The following ROBO2 variants were observed in gnomAD, a reference collection of about 807,000 sequenced individuals.
ROBO2 encodes roundabout guidance receptor 2, also known as roundabout homolog 2.
Under a neutral mutation model 160.8 loss-of-function variants are expected in ROBO2, and 53 were observed. The observed-to-expected ratio is 0.33, with a 90% confidence interval of 0.26 to 0.41. ROBO2 has a LOEUF of 0.41. Ranked by LOEUF, ROBO2 falls within the 10% of genes least tolerant of loss-of-function variation. The pLI is 1.00. For missense variants in ROBO2, 1,577 were observed against 1,722.4 expected, an observed-to-expected ratio of 0.92 and a Z score of 1.49; for synonymous variants, 664 against 611.7, an observed-to-expected ratio of 1.09 and a Z score of -1.26.
intron 2 of ROBO2, among the ~76,000 whole-genome samples, chr3:77,107,555 G>T (rs956627758): frequency 9.2e-5 from 14 of 152,204 alleles, no homozygotes; most frequent in African/African-American, 3.4e-4. Context: ...GCATCTATTT[G>T]CATATCATTT....
chr3:77,394,806 ACT>A (rs1164451450), intron 2 of ROBO2, among the ~76,000 whole-genome samples: 2 of 152,004 alleles, frequency 1.3e-5, no homozygotes, highest in African/African-American at 2.4e-5. Flanking sequence ...CACCAAATTC[ACT>A]GTTTCATATG....
chr3:76,830,627 T>G (rs2066997041), intron 2 of ROBO2, among the ~76,000 whole-genome samples: 1 of 152,008 alleles, frequency 6.6e-6, no homozygotes, highest in Non-Finnish European at 1.5e-5. Context: ...ACTTTCCACA[T>G]GTTGTTTTAT....
At chr3:75,943,930 A>G (rs1477474623) in intron 2 of ROBO2, among the ~76,000 whole-genome samples, 1 of 152,052 alleles carries the variant, frequency 6.6e-6, no homozygotes, top group Non-Finnish European at 1.5e-5. Flanking sequence ...CAAACTCCTG[A>G]CTTCAGGTGA....
intron 2 of ROBO2, among the ~76,000 whole-genome samples, chr3:76,086,553 T>G (rs986765172): frequency 6.6e-6 from 1 of 152,000 alleles, no homozygotes; most frequent in Non-Finnish European, 1.5e-5. Context: ...ACTAATAACT[T>G]CCTCTACTGC....
At chr3:76,933,957 A>G (rs9871087) in intron 2 of ROBO2, among the ~76,000 whole-genome samples, 74,624 of 152,024 alleles carry the variant, frequency 0.49, 19,492 homozygotes, top group African/African-American at 0.68. Flanking sequence ...TAGTTTAGAT[A>G]CTGCCAGTAT....
chr3:76,145,078 A>G (rs151316643), intron 2 of ROBO2, among the ~76,000 whole-genome samples: 121 of 151,180 alleles, frequency 8.0e-4, no homozygotes, highest in African/African-American at 2.8e-3. Flanking sequence ...GATTTGAGGT[A>G]CTTTGATTTT....
intron 2 of ROBO2, among the ~76,000 whole-genome samples, chr3:76,804,087 T>C (rs960164938): frequency 6.6e-6 from 1 of 152,174 alleles, no homozygotes; most frequent in Non-Finnish European, 1.5e-5. Flanking sequence ...TCCTATCTTG[T>C]GTGGGTGTAG....
chr3:76,925,846 CTA>C (rs2076959242), intron 2 of ROBO2, among the ~76,000 whole-genome samples: 2 of 152,122 alleles, frequency 1.3e-5, no homozygotes, highest in Non-Finnish European at 2.9e-5. Flanking sequence ...TGAGTGCCTA[CTA>C]TGTTTCACAC....
intron 2 of ROBO2, among the ~76,000 whole-genome samples, chr3:76,876,199 T>A (rs763611811): frequency 5.9e-5 from 9 of 152,180 alleles, no homozygotes; most frequent in African/African-American, 9.7e-5. Context: ...TTGAGAAGAA[T>A]CACTTTCTCC....
At chr3:76,216,016 A>G (rs1703498718) in intron 2 of ROBO2, among the ~76,000 whole-genome samples, 1 of 152,182 alleles carries the variant, frequency 6.6e-6, no homozygotes, top group African/African-American at 2.4e-5. Flanking sequence ...CAACATTCTT[A>G]AAGGAAAGAA....
chr3:76,481,700 C>T (rs2079217762), intron 2 of ROBO2, among the ~76,000 whole-genome samples: 1 of 152,064 alleles, frequency 6.6e-6, no homozygotes, highest in Admixed American at 6.6e-5. Context: ...TCCCAGAAAT[C>T]TGTGCTTTAA....
At chr3:76,438,655 A>G (rs143032970) in intron 2 of ROBO2, among the ~76,000 whole-genome samples, 2 of 152,226 alleles carry the variant, frequency 1.3e-5, no homozygotes, top group African/African-American at 2.4e-5. Context: ...TTATACAAGT[A>G]TAAGTGTAAT....
rs185324962 is a variant in ROBO2 at position 76,774,331 on chromosome 3, A to T, written c.110-323683A>T. ...AATTTATTGTATTTTCTGCATTTAC[A>T]TGCAAAAGTGATTTTAGAATCATAG... On this transcript the variant is annotated intron_variant, in intron 2 of 26. Coordinates refer to the ROBO2 transcript ENST00000487694. Among the ~76,000 whole-genome samples, 151 of 151,058 alleles carry T rather than the reference A, an allele frequency of 1.0e-3. 2 individuals are homozygous for T. Among genetic ancestry groups the T allele is most frequent in the African/African-American group, 3.6e-3 (148 of 41,424 alleles).
chr3:76,382,803 T>C (rs1205850075), intron 2 of ROBO2, among the ~76,000 whole-genome samples: 1 of 152,116 alleles, frequency 6.6e-6, no homozygotes, highest in East Asian at 1.9e-4. Flanking sequence ...CACTCCTAAC[T>C]GTAGATGTTA....
At chr3:76,852,620 T>C (rs2148549271) in intron 2 of ROBO2, among the ~76,000 whole-genome samples, 1 of 152,266 alleles carries the variant, frequency 6.6e-6, no homozygotes, top group East Asian at 1.9e-4. Flanking sequence ...GAGAGAAAAT[T>C]AGAAGCTCAA....
chr3:77,242,932 GGAAA>G (rs2089239527), intron 2 of ROBO2, among the ~76,000 whole-genome samples: 1 of 151,126 alleles, frequency 6.6e-6, no homozygotes, highest in East Asian at 1.9e-4. Context: ...CATCAGAAAA[GGAAA>G]GAGAGAGAGA....
intron 2 of ROBO2, among the ~76,000 whole-genome samples, chr3:76,159,527 T>A (rs2072538505): frequency 6.6e-6 from 1 of 152,180 alleles, no homozygotes; most frequent in African/African-American, 2.4e-5. Flanking sequence ...AGAGTTTTAT[T>A]AAAAGACTTG....
chr3:76,493,002 C>T (rs1180092727), intron 2 of ROBO2, among the ~76,000 whole-genome samples: 1 of 151,884 alleles, frequency 6.6e-6, no homozygotes, highest in African/African-American at 2.4e-5. Flanking sequence ...TAATGCCTCA[C>T]AGTTGAAGTA....
chr3:77,237,411 T>TTGTGTGTGTGTG (rs71104662), intron 2 of ROBO2, among the ~76,000 whole-genome samples: 26,125 of 130,790 alleles, frequency 0.2, 3,297 homozygotes, highest in Non-Finnish European at 0.28. Flanking sequence ...TTGTTTTGTT[T>TTGTGTGTGTGTG]TGTGTGTGTG....
Sources: allele counts gnomAD v4.1 joint callset (sites outside exome capture counted in the v4.1 genomes callset), GRCh38; gene constraint gnomAD v4.1.1; transcripts MANE v1.5; gene names NCBI Gene and HGNC (gene_info 2026-07-23, HGNC 2026-07-21).